LOC400499: variants seen among roughly 807,000 people sequenced by gnomAD.
At chr16:11,383,850 G>A in the LOC400499 span, 6 of 1,232,164 alleles carry the variant, frequency 4.9e-6, no homozygotes, top group Non-Finnish European at 6.1e-6. Flanking sequence ...TGAGACAAAG[G>A]GCCTTCTGCA....
chr16:11,448,977 C>T, the LOC400499 span: 3 of 1,507,460 alleles, frequency 2.0e-6, no homozygotes, highest in Non-Finnish European at 2.7e-6. Flanking sequence ...GCCTTTCAAC[C>T]AGCAGTTCAG....
the LOC400499 span, among the ~76,000 whole-genome samples, chr16:11,492,682 G>A: frequency 1.3e-5 from 2 of 152,134 alleles, no homozygotes; most frequent in East Asian, 3.9e-4. Flanking sequence ...CTACTCAGGA[G>A]GCTGAGGCAG....
the LOC400499 span, chr16:11,471,620 G>A: frequency 5.0e-6 from 2 of 398,970 alleles, no homozygotes; most frequent in Non-Finnish European, 8.8e-6. Context: ...CCACAACATG[G>A]CTGAGAAAGA....
At chr16:11,391,177 G>A in the LOC400499 span, among the ~76,000 whole-genome samples, 16 of 152,360 alleles carry the variant, frequency 1.1e-4, no homozygotes, top group South Asian at 1.0e-3. Flanking sequence ...CCACCCTGGC[G>A]CTGGGCAGGG....
At chr16:11,458,682 T>G in the LOC400499 span, among the ~76,000 whole-genome samples, 2 of 152,200 alleles carry the variant, frequency 1.3e-5, no homozygotes, top group African/African-American at 4.8e-5. Flanking sequence ...AGATAAGTAG[T>G]GGTGATGGTT....
At chr16:11,398,341 G>A in the LOC400499 span, 2 of 1,232,310 alleles carry the variant, frequency 1.6e-6, no homozygotes, top group Non-Finnish European at 2.0e-6. Context: ...CTGCAGGGCA[G>A]ACTCACCCTG....
chr16:11,462,412 T>G, the LOC400499 span: 1 of 1,315,542 alleles, frequency 7.6e-7, no homozygotes, highest in Non-Finnish European at 9.7e-7. Context: ...CTAACAACCT[T>G]CTACACCGAT....
the LOC400499 span, among the ~76,000 whole-genome samples, chr16:11,505,772 G>T: frequency 1.3e-5 from 2 of 151,996 alleles, no homozygotes; most frequent in Admixed American, 6.6e-5. Context: ...ATACACAATA[G>T]ATTCACATAT....
the LOC400499 span, among the ~76,000 whole-genome samples, chr16:11,490,868 T>C: frequency 2.0e-5 from 3 of 152,102 alleles, no homozygotes; most frequent in African/African-American, 7.2e-5. Context: ...CATAGGAAAA[T>C]ACTGGGGGGA....
chr16:11,518,933 T>A, the LOC400499 span: 4 of 398,928 alleles, frequency 1.0e-5, no homozygotes, highest in African/African-American at 8.2e-5. Flanking sequence ...AAGCTCCACC[T>A]TGGCCCCCAG....
At chr16:11,515,874 CAG>C in the LOC400499 span, 304 of 53,328 alleles carry the variant, frequency 5.7e-3, no homozygotes, top group Middle Eastern at 0.017. Flanking sequence ...CAGCCCAGCC[CAG>C]CCCAGCCCAG....
the LOC400499 span, chr16:11,425,131 C>T: frequency 5.0e-6 from 2 of 398,900 alleles, no homozygotes; most frequent in Middle Eastern, 6.2e-4. Context: ...CTACCTGCAT[C>T]ACTCAGCGTG....
chr16:11,520,643 G>T, the LOC400499 span, among the ~76,000 whole-genome samples: 1 of 147,416 alleles, frequency 6.8e-6, no homozygotes, highest in African/African-American at 2.6e-5. Flanking sequence ...CGCCAGCCTG[G>T]GCGACAGAGT....
the LOC400499 span, chr16:11,494,545 G>A: frequency 5.2e-6 from 2 of 381,468 alleles, no homozygotes; most frequent in South Asian, 1.3e-4. Context: ...GGGCACTGAA[G>A]CCGGTACTCA....
At chr16:11,408,503 T>C in the LOC400499 span, among the ~76,000 whole-genome samples, 8 of 145,854 alleles carry the variant, frequency 5.5e-5, no homozygotes, top group Admixed American at 4.3e-4. Flanking sequence ...TGCTCTGTCA[T>C]CCAGGCTAGA....
the LOC400499 span, among the ~76,000 whole-genome samples, chr16:11,505,755 C>G: frequency 3.3e-5 from 5 of 151,812 alleles, no homozygotes; most frequent in South Asian, 1.0e-3. Flanking sequence ...GGCCTGTTTA[C>G]TTGTTGATAC....
chr16:11,377,189 T>A, the LOC400499 span, among the ~76,000 whole-genome samples: 1 of 152,374 alleles, frequency 6.6e-6, no homozygotes, highest in South Asian at 2.1e-4. Flanking sequence ...GACTTTTGTA[T>A]GTTGATTTTG....
At chr16:11,526,955 C>G in the LOC400499 span, among the ~76,000 whole-genome samples, 1 of 152,194 alleles carries the variant, frequency 6.6e-6, no homozygotes, top group East Asian at 1.9e-4. Context: ...CCTGTCATCT[C>G]TCGCTCCTCT....
At chr16:11,389,685 C>CAAAA in the LOC400499 span, among the ~76,000 whole-genome samples, 213 of 56,712 alleles carry the variant, frequency 3.8e-3, 1 homozygote, top group Non-Finnish European at 4.3e-3. Flanking sequence ...AACTCCATCT[C>CAAAA]AAAAAAAAAA....
Sources: allele counts gnomAD v4.1 joint callset (sites outside exome capture counted in the v4.1 genomes callset), GRCh38; gene constraint gnomAD v4.1.1; transcripts MANE v1.5.